MED12L: variants seen among roughly 807,000 people sequenced by gnomAD.
MED12L encodes the protein mediator of RNA polymerase II transcription subunit 12-like protein.
A neutral mutation model predicts 281.3 loss-of-function variants in MED12L; 60 were observed. That is an observed-to-expected ratio of 0.21 (90% confidence interval 0.17 to 0.26). MED12L has a LOEUF of 0.26. Among genes scored for constraint, MED12L ranks in the 10% least tolerant of loss-of-function variants. The probability of loss-of-function intolerance (pLI) is 1.00; values close to 1 mark genes in which losing one functional copy is unlikely to be tolerated. For synonymous variants in MED12L, 974 were observed against 987.2 expected, an observed-to-expected ratio of 0.99 and a Z score of 0.25; for missense variants, 2,146 against 2,680.9, an observed-to-expected ratio of 0.80 and a Z score of 4.41.
Position 151,296,018 on chromosome 3 carries a change from T to C in MED12L, c.2251-54041T>C, listed in dbSNP as rs113829425. The stretch of plus-strand genomic sequence containing the variant: ...TAAAATGCATTTGTATAGTCAGGAG[T>C]ATCCACAAATGTGTTTTTGTATAGT... On this transcript the variant is annotated intron_variant, in intron 16 of 44. Transcript: ENST00000687756. Among the ~76,000 whole-genome samples, 991 of 152,320 alleles carry C rather than the reference T, an allele frequency of 6.5e-3. 8 individuals carry two copies. Among genetic ancestry groups the C allele is most frequent in the South Asian group, 0.015 (72 of 4,834 alleles).
intron 16 of MED12L, among the ~76,000 whole-genome samples, chr3:151,298,599 A>G (rs1745423041): frequency 6.6e-6 from 1 of 152,166 alleles, no homozygotes; most frequent in South Asian, 2.1e-4. Flanking sequence ...AAATGCAGTG[A>G]CATAACTCAG....
At chr3:151,393,284 A>T (rs1267176291) in intron 38 of MED12L, among the ~76,000 whole-genome samples, 1 of 152,222 alleles carries the variant, frequency 6.6e-6, no homozygotes, top group Non-Finnish European at 1.5e-5. Flanking sequence ...GGGGAAGTAG[A>T]TAAAAGGAGT....
chr3:151,190,813 A>G lies in MED12L; in HGVS notation c.1850A>G (p.Tyr617Cys). The G allele has an allele frequency of 6.2e-7, 1 of 1,614,234 alleles. No homozygotes were observed. The highest frequency in any genetic ancestry group is 8.5e-7 in the Non-Finnish European group (1 of 1,180,030). Reference protein sequence around the residue: ...IRHDVFSHDAYMCTLISRGDL... With the variant: ...IRHDVFSHDACMCTLISRGDL... ...CATGATGTCTTCTCCCATGACGCATACATGTGTACCCTCATATCTCGAGGA... is the reference window on the plus strand; with the variant it reads ...CATGATGTCTTCTCCCATGACGCATGCATGTGTACCCTCATATCTCGAGGA... The change falls in exon 14 of 45, where the codon TAC becomes TGC. Residue 617 changes from tyrosine to cysteine, a missense_variant. Around this residue, in one of 9 missense-constraint regions of MED12L, gnomAD observed 722 missense variants for 861.2 expected, o/e 0.84. Transcript: ENST00000687756.
At chr3:151,297,164 G>A (rs2149704338) in intron 16 of MED12L, among the ~76,000 whole-genome samples, 1 of 152,288 alleles carries the variant, frequency 6.6e-6, no homozygotes. Flanking sequence ...AAGTTAAAAT[G>A]CCTGATTCAG....
chr3:151,095,058 T>C (rs556376122), intron 2 of MED12L, among the ~76,000 whole-genome samples: 9 of 152,378 alleles, frequency 5.9e-5, no homozygotes, highest in Admixed American at 5.2e-4. Flanking sequence ...TCGGGCAGTT[T>C]GGCCATTTTC....
intron 22 of MED12L, 94 bp from the exon 23 acceptor site, chr3:151,365,756 G>A: frequency 8.8e-7 from 1 of 1,136,402 alleles, no homozygotes; most frequent in Non-Finnish European, 1.2e-6. Flanking sequence ...TGACTTGTTT[G>A]ATGTTAGTGA....
chr3:151,325,456 A>G (rs566195608), intron 16 of MED12L, among the ~76,000 whole-genome samples: 1 of 152,184 alleles, frequency 6.6e-6, no homozygotes, highest in East Asian at 1.9e-4. Context: ...ATTTATGACT[A>G]TATTGTAGCA....
Position 151,413,157 on chromosome 3 carries a change from A to G in MED12L, c.6159A>G (p.Leu2053=). ...TTGCCAGACTGAACCATCAGGCTCT[A>G]CAGCAGAGCCCTCTGGTGGGCGGGG... ...TGSQRLNHQA[L]QQSPLVGGGI... is the part of the protein sequence containing the mutation. The change falls in exon 42 of 45, where the codon CTA becomes CTG. Residue 2053 remains leucine, a synonymous_variant. Transcript: ENST00000687756. 2 of 1,613,906 alleles carry G rather than the reference A, an allele frequency of 1.2e-6. No individual in the cohort carries two copies. Among genetic ancestry groups the G allele is most frequent in the Non-Finnish European group, 8.5e-7 (1 of 1,179,776 alleles).
rs1257704973 is a variant in MED12L at position 151,434,633 on chromosome 3, T to C, written c.*1829T>C. The C allele has an allele frequency of 6.6e-6, 1 of 152,242 alleles. No homozygotes were observed. Among genetic ancestry groups the C allele is most frequent in the Non-Finnish European group, 1.5e-5 (1 of 68,036 alleles). The allele number at this position is 152,242 out of a possible 1,614,324, so 9.4% of individuals were successfully genotyped here. A position where few individuals can be genotyped will look rare whatever the true frequency, so the allele number is the denominator to read the frequency against. The stretch of plus-strand genomic sequence containing the variant: ...AAGTTGTTTTCTTCAAAGTAATATA[T>C]CTATATAATGACTGCATTGGCAAAT... On this transcript the variant is annotated 3_prime_UTR_variant, in exon 45 of 45. Transcript: ENST00000687756.
intron 16 of MED12L, among the ~76,000 whole-genome samples, chr3:151,251,904 TTAAAAA>T (rs755775167): frequency 1.1e-4 from 16 of 152,208 alleles, no homozygotes; most frequent in Non-Finnish European, 2.1e-4. Context: ...TGGAATCACC[TTAAAAA>T]TTAAATGTTT....
intron 6 of MED12L, among the ~76,000 whole-genome samples, chr3:151,157,921 A>G (rs1273137505): frequency 6.6e-6 from 1 of 152,230 alleles, no homozygotes; most frequent in Non-Finnish European, 1.5e-5. Context: ...TCTGTGAATC[A>G]TAATACAAAA....
At chr3:151,206,931 A>G (rs1029999595) in intron 16 of MED12L, among the ~76,000 whole-genome samples, 11 of 151,998 alleles carry the variant, frequency 7.2e-5, no homozygotes, top group Admixed American at 6.6e-5. Flanking sequence ...GATGTGAGCC[A>G]CCGTGCCCGG....
intron 16 of MED12L, chr3:151,241,670 T>C (rs1559923967): frequency 2.0e-5 from 3 of 152,168 alleles, no homozygotes; most frequent in Non-Finnish European, 4.4e-5. Flanking sequence ...TATACACACA[T>C]ATATACACAT....
At chr3:151,373,981 TTAAATATATG>T (rs1413314396) in intron 27 of MED12L, among the ~76,000 whole-genome samples, 1 of 152,160 alleles carries the variant, frequency 6.6e-6, no homozygotes. Context: ...ATCCATACAC[TTAAATATATG>T]TAAATATATA....
Position 151,416,357 on chromosome 3 carries a change from C to A in MED12L, c.6343C>A (p.Gln2115Lys). 6.2e-7 allele frequency: 1 copy of A among 1,612,350 alleles called. No individual in the cohort carries two copies. Among genetic ancestry groups the A allele is most frequent in the Non-Finnish European group, 8.5e-7 (1 of 1,178,878 alleles). ...CCAGCCCCAGCAGCCTCCCCAGCCC[C>A]AGCAGTCCTCGCAGTCCCAGAGTCA... ...QPQPQQPPQPQQSSQSQSQTL... is the reference protein window; with the variant it reads ...QPQPQQPPQPKQSSQSQSQTL... Residue 2115 changes from glutamine (Q) to lysine (K), a missense_variant, in exon 43 of 45, where the codon CAG (glutamine) becomes AAG (lysine). Coordinates refer to ENST00000687756, the MANE Select transcript of MED12L (RefSeq NM_001393769.1).
At chr3:151,338,665 T>A (rs143829505) in intron 16 of MED12L, 6 of 1,613,576 alleles carry the variant, frequency 3.7e-6, no homozygotes, top group Non-Finnish European at 5.1e-6. Context: ...TTAAGAAAAA[T>A]AATAAAGTTT....
At chr3:151,221,738 T>C (rs1170710766) in intron 16 of MED12L, among the ~76,000 whole-genome samples, 2 of 152,224 alleles carry the variant, frequency 1.3e-5, no homozygotes, top group Non-Finnish European at 2.9e-5. Context: ...GGCAGAAGTT[T>C]GCTGCAGGGG....
intron 39 of MED12L, among the ~76,000 whole-genome samples, chr3:151,399,649 A>G (rs1467965324): frequency 1.3e-5 from 2 of 152,252 alleles, no homozygotes; most frequent in Non-Finnish European, 2.9e-5. Flanking sequence ...ATCACAGAAT[A>G]TAGAATATTG....
intron 16 of MED12L, among the ~76,000 whole-genome samples, chr3:151,297,223 A>G (rs1237614409): frequency 2.0e-5 from 3 of 152,214 alleles, no homozygotes. Context: ...CTTGTACAGT[A>G]TCATTCAAGC....
Sources: allele counts gnomAD v4.1 joint callset (sites outside exome capture counted in the v4.1 genomes callset), GRCh38; gene constraint gnomAD v4.1.1; regional missense constraint gnomAD v4.1.1; transcripts MANE v1.5; gene names NCBI Gene and HGNC (gene_info 2026-07-23, HGNC 2026-07-21).